Variants in SLC24A2 observed in about 807,000 individuals in gnomAD.
SLC24A2 encodes solute carrier family 24 member 2, also known as sodium/potassium/calcium exchanger 2.
SLC24A2 carries 36 observed loss-of-function variants against 62.0 expected under a neutral mutation model. The observed-to-expected ratio is 0.58, with a 90% CI of 0.44 to 0.77. SLC24A2 has a LOEUF of 0.77. SLC24A2 is among the 30% of genes least tolerant of loss of function. The pLI, the probability that SLC24A2 is intolerant of heterozygous loss-of-function variation, is 0.00. For missense variants in SLC24A2, 846 were observed against 817.9 expected, an observed-to-expected ratio of 1.03 and a Z score of -0.42; for synonymous variants, 358 against 294.0, an observed-to-expected ratio of 1.22 and a Z score of -2.23.
chr9:20,124,026 A>C, the SLC24A2 span, among the ~76,000 whole-genome samples: 3 of 152,230 alleles, frequency 2.0e-5, no homozygotes, highest in East Asian at 5.8e-4. Flanking sequence ...ATCTCATAGA[A>C]TAGCATGAAA....
chr9:19,584,274 A>T (rs1407164312), intron 5 of SLC24A2, among the ~76,000 whole-genome samples: 5 of 3,422 alleles, frequency 1.5e-3, no homozygotes, highest in African/African-American at 4.0e-3. Flanking sequence ...AGCAAATAGT[A>T]AAAAAAAAAA....
At position 19,730,184 on chromosome 9, in the gene SLC24A2, T is replaced by C. The variant is rs1001147023; in HGVS notation, c.930+55753A>G. ...AAGGTACAGAATGCAGTGAGAACCA[T>C]GACAATATTTCATTGCCTTTAATGT... On this transcript the variant is annotated intron_variant, in intron 2 of 10. Coordinates refer to ENST00000341998, the MANE Select transcript of SLC24A2 (RefSeq NM_020344.4). 5.9e-5 allele frequency among the ~76,000 whole-genome samples: 9 copies of C among 152,282 alleles called. No individual in the cohort carries two copies. The South Asian group carries it at 8.3e-4, about 14-fold the overall frequency.
the SLC24A2 span, among the ~76,000 whole-genome samples, chr9:20,124,268 G>A: frequency 5.9e-5 from 9 of 151,276 alleles, no homozygotes; most frequent in Non-Finnish European, 1.0e-4. Flanking sequence ...AAGGGAGAAG[G>A]GCTTCACACT....
chr9:19,517,390 G>C (rs1003864663), intron 10 of SLC24A2, among the ~76,000 whole-genome samples: 1 of 152,194 alleles, frequency 6.6e-6, no homozygotes, highest in African/African-American at 2.4e-5. Context: ...CAGGGTGTGG[G>C]AAGAGGAGGT....
At chr9:19,856,686 G>A in the SLC24A2 span, among the ~76,000 whole-genome samples, 1 of 152,136 alleles carries the variant, frequency 6.6e-6, no homozygotes, top group East Asian at 1.9e-4. Context: ...CTGTCCCAGA[G>A]GGGCACTGAC....
chr9:20,023,970 G>C, the SLC24A2 span, among the ~76,000 whole-genome samples: 2 of 152,214 alleles, frequency 1.3e-5, no homozygotes, highest in African/African-American at 4.8e-5. Context: ...ATAAGAAAGA[G>C]TGAAAAGAAG....
chr9:20,111,144 C>T, the SLC24A2 span, among the ~76,000 whole-genome samples: 1 of 152,178 alleles, frequency 6.6e-6, no homozygotes, highest in African/African-American at 2.4e-5. Flanking sequence ...TGGTGGATGG[C>T]ATCAACCTGG....
chr9:19,923,562 C>T, the SLC24A2 span, among the ~76,000 whole-genome samples: 2 of 152,106 alleles, frequency 1.3e-5, no homozygotes, highest in Admixed American at 6.5e-5. Context: ...GCCACATTGC[C>T]GCAGTTCTGC....
At chr9:19,656,183 A>C (rs1301606280) in intron 2 of SLC24A2, among the ~76,000 whole-genome samples, 6 of 152,248 alleles carry the variant, frequency 3.9e-5, no homozygotes, top group Non-Finnish European at 8.8e-5. Flanking sequence ...TATTGAAGTC[A>C]AATTGCTATG....
chr9:19,884,269 GC>G, the SLC24A2 span, among the ~76,000 whole-genome samples: 62,756 of 151,904 alleles, frequency 0.41, 13,533 homozygotes, highest in East Asian at 0.83. Flanking sequence ...GTGTTTATGA[GC>G]CCTATTCCTA....
chr9:20,206,322 C>G, the SLC24A2 span, among the ~76,000 whole-genome samples: 1 of 152,092 alleles, frequency 6.6e-6, no homozygotes, highest in Non-Finnish European at 1.5e-5. Context: ...AGAGTGAATG[C>G]AGAAGCAGAT....
chr9:19,557,503 A>C (rs931930879), intron 7 of SLC24A2, among the ~76,000 whole-genome samples: 7 of 152,228 alleles, frequency 4.6e-5, no homozygotes, highest in Admixed American at 2.6e-4. Flanking sequence ...TGTCTCCAGA[A>C]ACGTGACCTT....
At chr9:20,102,837 C>G in the SLC24A2 span, among the ~76,000 whole-genome samples, 3 of 152,218 alleles carry the variant, frequency 2.0e-5, no homozygotes, top group Admixed American at 6.5e-5. Flanking sequence ...GAGTGCCAGA[C>G]AGTGGGCGCA....
the SLC24A2 span, among the ~76,000 whole-genome samples, chr9:20,095,076 G>C: frequency 6.6e-6 from 1 of 152,048 alleles, no homozygotes; most frequent in Non-Finnish European, 1.5e-5. Flanking sequence ...AAATGTAGCA[G>C]ATATGACATC....
intron 7 of SLC24A2, among the ~76,000 whole-genome samples, chr9:19,562,157 T>C (rs1477795810): frequency 6.6e-6 from 1 of 152,230 alleles, no homozygotes; most frequent in East Asian, 1.9e-4. Flanking sequence ...AATTGGTTTT[T>C]GTTGTTTTCA....
chr9:19,891,755 C>G, the SLC24A2 span, among the ~76,000 whole-genome samples: 1 of 151,950 alleles, frequency 6.6e-6, no homozygotes, highest in Non-Finnish European at 1.5e-5. Context: ...CTAAAAAAAC[C>G]AATACAAATT....
the SLC24A2 span, among the ~76,000 whole-genome samples, chr9:19,918,041 A>C: frequency 6.6e-6 from 1 of 151,884 alleles, no homozygotes; most frequent in Non-Finnish European, 1.5e-5. Context: ...TGGTTTACTA[A>C]ATTGTTTTTT....
chr9:20,169,565 G>A, the SLC24A2 span, among the ~76,000 whole-genome samples: 6 of 151,958 alleles, frequency 3.9e-5, no homozygotes, highest in Non-Finnish European at 7.4e-5. Flanking sequence ...TGGGTGATTG[G>A]ATCCAGAAGA....
At chr9:20,174,991 T>C in the SLC24A2 span, among the ~76,000 whole-genome samples, 1 of 140,512 alleles carries the variant, frequency 7.1e-6, no homozygotes. Context: ...GAAGCTGATA[T>C]ATATATATAT....
Sources: allele counts gnomAD v4.1 joint callset (sites outside exome capture counted in the v4.1 genomes callset), GRCh38; gene constraint gnomAD v4.1.1; transcripts MANE v1.5; gene names NCBI Gene and HGNC (gene_info 2026-07-23, HGNC 2026-07-21).